TRIM22: variants seen among roughly 807,000 people sequenced by gnomAD.
TRIM22 encodes the protein E3 ubiquitin-protein ligase TRIM22.
In TRIM22, 45 loss-of-function variants were observed where a neutral mutation model predicts 53.6. The observed-to-expected ratio is 0.84, with a 90% CI of 0.66 to 1.08. The LOEUF is 1.08. Among genes scored for constraint, TRIM22 ranks in the 50% least tolerant of loss-of-function variants. The pLI is 0.00. For missense variants in TRIM22, 616 were observed against 590.9 expected, an observed-to-expected ratio of 1.04 and a Z score of -0.44; for synonymous variants, 225 against 216.6, an observed-to-expected ratio of 1.04 and a Z score of -0.34.
intron 1 of TRIM22, among the ~76,000 whole-genome samples, chr11:5,693,985 C>T (rs1207106936): frequency 6.6e-6 from 1 of 152,160 alleles, no homozygotes; most frequent in African/African-American, 2.4e-5. Context: ...CATTCCTTGG[C>T]TTATAGGTGC....
Position 5,696,653 on chromosome 11 carries a change from C to A in TRIM22, c.421C>A (p.Gln141Lys). 2 of 1,606,024 alleles carry A rather than the reference C, an allele frequency of 1.2e-6. No individual in the cohort carries two copies. The highest frequency in any genetic ancestry group is 1.7e-6 in the Non-Finnish European group (2 of 1,178,202). The change falls in exon 2 of 8, where the codon CAG becomes AAG. Residue 141 changes from glutamine to lysine, a missense_variant and splice_region_variant. Physicochemically the swap from Gln to Lys is moderately conservative, Grantham distance 53. Transcript: ENST00000379965. ...CATAAACGAGGTGGTCAAGGAATGT[C>A]AGGTAGGCTCCAAGATAGAGGAAGA... ...FRINEVVKECQEKLQVALQRL... is the reference protein window; with the variant it reads ...FRINEVVKECKEKLQVALQRL...
Position 5,698,466 on chromosome 11 carries a change from TC to T in TRIM22, c.673del (p.Gln225SerfsTer17). On this transcript the variant is annotated frameshift_variant, in exon 4 of 8. Transcript: ENST00000379965. LOFTEE classifies it high-confidence loss of function. ...CTGGCAGCAGCTACAGACCAGCTGGTCCAGCAGAGGCAGGATGCCAGCACGC... is the reference window on the plus strand; with the variant it reads ...CTGGCAGCAGCTACAGACCAGCTGGTCAGCAGAGGCAGGATGCCAGCACGC... ...DNLAAATDQL[V>X]QQRQDASTLI... is the part of the protein sequence containing the mutation. 6.2e-7 allele frequency: 1 copy of T among 1,614,056 alleles called. No individual in the cohort carries two copies. Among genetic ancestry groups the T allele is most frequent in the South Asian group, 1.1e-5 (1 of 91,080 alleles).
At position 5,707,980 on chromosome 11, in the gene TRIM22, C is replaced by T. The variant is rs552069196; in HGVS notation, c.774-193C>T. Among the ~76,000 whole-genome samples the T allele has an allele frequency of 1.9e-4, 29 of 152,180 alleles. No homozygotes were observed. The East Asian group carries it at 5.2e-3, about 27-fold the overall frequency. On this transcript the variant is annotated intron_variant, in intron 5 of 7. Transcript: ENST00000379965. ...GATTACACAGAGGGGAAGACCTTCC[C>T]AAGATTACACACAGACAGGTAGACA...
chr11:5,708,148 G>T lies in TRIM22; in HGVS notation c.774-25G>T, dbSNP rs1279329916. 9.0e-6 allele frequency: 14 copies of T among 1,564,232 alleles called. No individual in the cohort carries two copies. In the Admixed American group the frequency reaches 2.3e-4, roughly 26 times the overall value. ...GAGAGAAATAGGGCAAAGGTGTAAA[G>T]GTTATCAATTTTTGTTATCACTAGG... On this transcript the variant is annotated intron_variant, in intron 5 of 7. Coordinates refer to ENST00000379965, the MANE Select transcript of TRIM22 (RefSeq NM_006074.5).
At position 5,696,360 on chromosome 11, in the gene TRIM22, T is replaced by C; in HGVS notation, c.128T>C (p.Ile43Thr). The change falls in exon 2 of 8, where the codon ATC (isoleucine) becomes ACC (threonine). Residue 43 changes from isoleucine (I) to threonine (T), a missense_variant. By Grantham distance (89) the Ile-to-Thr change is moderately conservative. Coordinates refer to ENST00000379965, the MANE Select transcript of TRIM22 (RefSeq NM_006074.5). ...TGCCAAGCCTGCATCACTGCAAAGA[T>C]CAAGGAGTCAGTGATCATCTCAAGA... is the stretch of plus-strand genomic sequence containing the variant. Reference protein sequence around the residue: ...SFCQACITAKIKESVIISRGE... With the variant: ...SFCQACITAKTKESVIISRGE... 1 of 1,614,242 alleles carries C rather than the reference T, an allele frequency of 6.2e-7. No homozygotes were observed. Among genetic ancestry groups the C allele is most frequent in the Non-Finnish European group, 8.5e-7 (1 of 1,180,040 alleles).
At chr11:5,702,381 AACAAACAT>A (rs1853388512) in intron 4 of TRIM22, among the ~76,000 whole-genome samples, 2 of 147,038 alleles carry the variant, frequency 1.4e-5, no homozygotes, top group South Asian at 4.2e-4. Context: ...ATAAATATAA[AACAAACAT>A]ACAAATATAT....
Position 5,698,547 on chromosome 11 carries a change from T to C in TRIM22, c.750+2T>C, listed in dbSNP as rs114191522. 9.0e-4 allele frequency: 1,452 copies of C among 1,610,064 alleles called. 14 individuals are homozygous for C. The African/African-American group carries it at 0.017, about 19-fold the overall frequency. ...GGATCGTCAGTAGAGATGCTGCAGG[T>C]AAGACTTGGGATGGAGCACCTACGT... On this transcript the variant is annotated splice_donor_variant, in intron 4 of 7. Transcript: ENST00000379965. LOFTEE classifies it high-confidence loss of function.
At chr11:5,696,139 C>T in intron 1 of TRIM22, 28 bp from the exon 2 acceptor site, 2 of 1,172,190 alleles carry the variant, frequency 1.7e-6, no homozygotes, top group Non-Finnish European at 2.4e-6. Flanking sequence ...TCCTTCTTTT[C>T]TTACCCTGTC....
At position 5,708,437 on chromosome 11, in the gene TRIM22, G is replaced by T. The variant is rs1298718534; in HGVS notation, c.875-140G>T. The T allele has an allele frequency of 2.1e-5, 21 of 994,388 alleles. No homozygotes were observed. In the South Asian group the frequency reaches 3.1e-4, roughly 14 times the overall value. 61.6% of individuals were successfully genotyped at this position (994,388 alleles called of 1,614,324 possible). A position where few individuals can be genotyped will look rare whatever the true frequency, so the allele number is the denominator to read the frequency against. On this transcript the variant is annotated intron_variant, in intron 6 of 7. Coordinates refer to ENST00000379965, the MANE Select transcript of TRIM22 (RefSeq NM_006074.5). ...GGTCCTGTCTTAGGGGGAATGACCA[G>T]GTGTCTGATTCATCCTCTCATTCAC...
intron 4 of TRIM22, 46 bp downstream of exon 4, chr11:5,698,591 C>A (rs1245414790): frequency 2.7e-6 from 4 of 1,481,956 alleles, no homozygotes; most frequent in Non-Finnish European, 3.7e-6. Flanking sequence ...AGGGGAAAAA[C>A]ACAGAGGCCG....
At chr11:5,693,746 A>C (rs2134171811) in intron 1 of TRIM22, among the ~76,000 whole-genome samples, 1 of 149,266 alleles carries the variant, frequency 6.7e-6, no homozygotes, top group East Asian at 2.0e-4. Context: ...AAAAAAAAGA[A>C]TGAATAAATC....
At chr11:5,698,173 C>T (rs1853300598) in intron 3 of TRIM22, 142 bp from the exon 4 acceptor site, 4 of 664,918 alleles carry the variant, frequency 6.0e-6, no homozygotes, top group Non-Finnish European at 1.1e-5. Flanking sequence ...ATGGCTTCAC[C>T]AGAAATTGTG....
At chr11:5,706,706 A>C (rs183489718) in intron 5 of TRIM22, 90 bp downstream of exon 5, 529 of 1,318,460 alleles carry the variant, frequency 4.0e-4, no homozygotes, top group Admixed American at 1.4e-3. Flanking sequence ...ACAACTTAAA[A>C]AATCAAAAGG....
At chr11:5,700,120 T>G (rs1039574367) in intron 4 of TRIM22, among the ~76,000 whole-genome samples, 3 of 152,018 alleles carry the variant, frequency 2.0e-5, no homozygotes, top group Non-Finnish European at 4.4e-5. Context: ...TATGGTTTTT[T>G]TTTTTTGGTG....
rs146516771 is a variant in TRIM22, at chr11:5,708,476, C to T, written c.875-101C>T. On this transcript the variant is annotated intron_variant, in intron 6 of 7. Coordinates refer to ENST00000379965, the MANE Select transcript of TRIM22 (RefSeq NM_006074.5). ...CCTCTCATTCACCAGTGCAAAGAAT[C>T]CCAGTATTCCCCCTTTCCTTTCCCT... 2.9e-5 allele frequency: 35 copies of T among 1,201,994 alleles called. No homozygotes were observed. In the Middle Eastern group the frequency reaches 5.9e-4, roughly 20 times the overall value. The allele number at this position is 1,201,994 out of a possible 1,614,324, so 74.5% of individuals were successfully genotyped here.
intron 1 of TRIM22, among the ~76,000 whole-genome samples, chr11:5,694,716 A>G (rs1402893721): frequency 6.6e-6 from 1 of 152,254 alleles, no homozygotes; most frequent in Non-Finnish European, 1.5e-5. Context: ...AGAATAAAGA[A>G]GTCAAAATGA....
chr11:5,693,474 A>C (rs1025428023), intron 1 of TRIM22, among the ~76,000 whole-genome samples: 1 of 151,896 alleles, frequency 6.6e-6, no homozygotes, highest in African/African-American at 2.4e-5. Context: ...TAATCCCAGC[A>C]CTTTGGGAGG....
chr11:5,690,466 G>C (rs578222982), intron 1 of TRIM22, among the ~76,000 whole-genome samples: 1 of 152,278 alleles, frequency 6.6e-6, no homozygotes, highest in Admixed American at 6.5e-5. Flanking sequence ...AGATGGGGAA[G>C]GGGTGTGTGT....
Position 5,696,450 on chromosome 11 carries a change from A to T in TRIM22, c.218A>T (p.His73Leu). The T allele has an allele frequency of 1.2e-6, 2 of 1,614,272 alleles. No individual in the cohort carries two copies. Among genetic ancestry groups the T allele is most frequent in the Non-Finnish European group, 1.7e-6 (2 of 1,180,056 alleles). ...CCTGGGAACCTCCGACCTAATCGGCATCTGGCCAACATAGTTGAGAGAGTC... is the reference window on the plus strand; with the variant it reads ...CCTGGGAACCTCCGACCTAATCGGCTTCTGGCCAACATAGTTGAGAGAGTC... The part of the protein sequence containing the change: ...FQPGNLRPNR[H>L]LANIVERVKE... The change falls in exon 2 of 8, where the codon CAT (histidine) becomes CTT (leucine). Residue 73 changes from histidine (H) to leucine (L), a missense_variant. Coordinates refer to ENST00000379965, the MANE Select transcript of TRIM22 (RefSeq NM_006074.5).
Sources: allele counts gnomAD v4.1 joint callset (sites outside exome capture counted in the v4.1 genomes callset), GRCh38; gene constraint gnomAD v4.1.1; transcripts MANE v1.5; gene names NCBI Gene and HGNC (gene_info 2026-07-23, HGNC 2026-07-21).